The following OR13G1 variants were observed in gnomAD, a reference collection of about 807,000 sequenced individuals.
OR13G1 encodes the protein olfactory receptor family 13 subfamily G member 1.
For missense variants in OR13G1, 369 were observed against 385.7 expected (o/e 0.96, Z 0.36); for synonymous variants, 128 against 136.2 (o/e 0.94, Z 0.42).
rs191263307 is a variant in OR13G1, at chr1:247,675,706, G to C, written c.-238-2427C>G. Among the ~76,000 whole-genome samples, 372 of 152,220 alleles carry C rather than the reference G, an allele frequency of 2.4e-3. 11 individuals are homozygous for C. Among genetic ancestry groups the C allele is most frequent in the Admixed American group, 0.02 (312 of 15,288 alleles). ...TTCAGGATGTCCATCATTGGCTTAA[G>C]GTGGAGATATGTACTATTTTCTATC... is the stretch of plus-strand genomic sequence containing the variant. On this transcript the variant is annotated intron_variant, in intron 1 of 1. Transcript: ENST00000642119.
chr1:247,674,576 TTTACTC>T (rs901864974), intron 1 of OR13G1, among the ~76,000 whole-genome samples: 5 of 152,162 alleles, frequency 3.3e-5, no homozygotes, highest in African/African-American at 1.2e-4. Flanking sequence ...TTAGTATTAA[TTTACTC>T]ATACTGAAGG....
intron 1 of OR13G1, among the ~76,000 whole-genome samples, chr1:247,677,265 G>T (rs898600596): frequency 6.6e-6 from 1 of 152,108 alleles, no homozygotes; most frequent in African/African-American, 2.4e-5. Context: ...ATAAAAATAA[G>T]AAAAGATAGG....
At chr1:247,673,583 C>T (rs1375035221) in intron 1 of OR13G1, among the ~76,000 whole-genome samples, 1 of 151,920 alleles carries the variant, frequency 6.6e-6, no homozygotes, top group African/African-American at 2.4e-5. Flanking sequence ...TGAAAAATGC[C>T]CAACCTAGTA....
intron 1 of OR13G1, among the ~76,000 whole-genome samples, chr1:247,674,888 C>A (rs1659312604): frequency 6.6e-6 from 1 of 151,930 alleles, no homozygotes; most frequent in African/African-American, 2.4e-5. Flanking sequence ...TACACAAAAA[C>A]TAAGAAATAT....
chr1:247,672,680 A>C lies in OR13G1; in HGVS notation c.362T>G (p.Val121Gly). The change falls in exon 2 of 2, where the codon GTG becomes GGG. Residue 121 changes from valine (V) to glycine (G), a missense_variant. By Grantham distance (109) the Val-to-Gly change is moderately radical (BLOSUM62 -3). Transcript: ENST00000642119. ...LFTTMAYDRY[V>G]AICFPLHYST... ...GTAATGAAGAGGGAAACAAATGGCC[A>C]CATAGCGGTCATAGGCCATGGTGGT... is the stretch of plus-strand genomic sequence containing the variant. 2 of 1,614,046 alleles carry C rather than the reference A, an allele frequency of 1.2e-6. No homozygotes were observed. The highest frequency in any genetic ancestry group is 4.5e-5 in the East Asian group (2 of 44,874).
chr1:247,679,053 T>C (rs1197815117), intron 1 of OR13G1, among the ~76,000 whole-genome samples: 1 of 152,004 alleles, frequency 6.6e-6, no homozygotes, highest in East Asian at 1.9e-4. Flanking sequence ...ACTCTGAACA[T>C]GCCACTCACC....
In OR13G1 at chr1:247,670,946, G is replaced by T. The variant is rs1396531684; in HGVS notation, c.*1172C>A. 2 of 151,990 alleles carry T rather than the reference G, an allele frequency of 1.3e-5. No homozygotes were observed. The highest frequency in any genetic ancestry group is 4.8e-5 in the African/African-American group (2 of 41,418). 9.4% of individuals were successfully genotyped at this position (151,990 alleles called of 1,614,324 possible). A position where few individuals can be genotyped will look rare whatever the true frequency, so the allele number is the denominator to read the frequency against. On this transcript the variant is annotated 3_prime_UTR_variant, in exon 2 of 2. Transcript: ENST00000642119. ...CTTCCAACTTGTTATAAGATGTGTT[G>T]TATATTGTATATTTTTATTATGTAG...
intron 1 of OR13G1, among the ~76,000 whole-genome samples, chr1:247,677,618 CTT>C (rs1659371684): frequency 6.6e-6 from 1 of 152,142 alleles, no homozygotes; most frequent in Admixed American, 6.5e-5. Context: ...ACAGAAAAAA[CTT>C]AGACCATTTT....
chr1:247,674,277 T>A (rs1187852482), intron 1 of OR13G1, among the ~76,000 whole-genome samples: 7 of 152,234 alleles, frequency 4.6e-5, no homozygotes, highest in Non-Finnish European at 8.8e-5. Flanking sequence ...ATGAATCTAG[T>A]GAAAGTATTC....
Position 247,672,442 on chromosome 1 carries a change from A to G in OR13G1, c.600T>C (p.Asp200=). The G allele has an allele frequency of 6.2e-7, 1 of 1,614,138 alleles. No individual in the cohort carries two copies. Among genetic ancestry groups the G allele is most frequent in the Non-Finnish European group, 8.5e-7 (1 of 1,180,006 alleles). The change falls in exon 2 of 2, where the codon GAT becomes GAC. Residue 200 remains aspartate, a synonymous_variant. Transcript: ENST00000642119. ...TAAAGTCCCCTATGGCCAGGGTAAT[A>G]TCAGCAACATACACCATCACCTCAT... ...RINEVMVYVA[D]ITLAIGDFIL...
Position 247,672,711 on chromosome 1 carries a change from G to C in OR13G1, c.331C>G (p.Leu111Val). The C allele has an allele frequency of 6.2e-7, 1 of 1,613,950 alleles. No homozygotes were observed. Among genetic ancestry groups the C allele is most frequent in the Admixed American group, 1.7e-5 (1 of 59,950 alleles). ...FTWSLGAEMV[L>V]FTTMAYDRYV... ...CGGTCATAGGCCATGGTGGTGAAGA[G>C]AACCATCTCAGCTCCCAGAGACCAT... The change falls in exon 2 of 2, where the codon CTC (leucine) becomes GTC (valine). Residue 111 changes from leucine to valine, a missense_variant. Physicochemically the swap from Leu to Val is conservative, Grantham distance 32. Coordinates refer to ENST00000642119, the MANE Select transcript of OR13G1 (RefSeq NM_001005487.2).
chr1:247,672,913 G>C lies in OR13G1; in HGVS notation c.129C>G (p.Ile43Met). The C allele has an allele frequency of 6.2e-7, 1 of 1,614,048 alleles. No individual in the cohort carries two copies. Among genetic ancestry groups the C allele is most frequent in the Non-Finnish European group, 8.5e-7 (1 of 1,179,962 alleles). ...LVAFLGNMLI[I>M]IAKIYNNTLH... ...AGGTGTTGTTATAGATTTTGGCAAT[G>C]ATGATGAGCATGTTGCCGAGAAAAG... is the stretch of plus-strand genomic sequence containing the variant. The change falls in exon 2 of 2, where the codon ATC (isoleucine) becomes ATG (methionine). Residue 43 changes from isoleucine (I) to methionine (M), a missense_variant. Coordinates refer to ENST00000642119, the MANE Select transcript of OR13G1 (RefSeq NM_001005487.2).
At chr1:247,674,729 A>C (rs1447541931) in intron 1 of OR13G1, among the ~76,000 whole-genome samples, 1 of 151,060 alleles carries the variant, frequency 6.6e-6, no homozygotes, top group African/African-American at 2.4e-5. Context: ...TTGATAAGCA[A>C]ACAATGCATG....
chr1:247,675,229 T>A (rs929263029), intron 1 of OR13G1, among the ~76,000 whole-genome samples: 1 of 151,794 alleles, frequency 6.6e-6, no homozygotes, highest in African/African-American at 2.4e-5. Flanking sequence ...TGAGCTTTCA[T>A]TGTTGAAGAA....
Position 247,672,093 on chromosome 1 carries a change from G to T in OR13G1, c.*25C>A. On this transcript the variant is annotated 3_prime_UTR_variant, in exon 2 of 2. Coordinates refer to ENST00000642119, the MANE Select transcript of OR13G1 (RefSeq NM_001005487.2). Reference sequence around the variant, plus strand: ...CTCTAGAAGATGGTTCTGGAGTACAGAAGTGATGTTGCATGTTGAAACTAC... The same window carrying T: ...CTCTAGAAGATGGTTCTGGAGTACATAAGTGATGTTGCATGTTGAAACTAC... 1.9e-6 allele frequency: 3 copies of T among 1,577,654 alleles called. No homozygotes were observed. The highest frequency in any genetic ancestry group is 2.6e-6 in the Non-Finnish European group (3 of 1,154,346).
rs1255361550 is a variant in OR13G1, at chr1:247,673,072, C to T, written c.-31G>A. The stretch of plus-strand genomic sequence containing the variant: ...TTGGGTGATTGAATGGCAGTAATTG[C>T]ACAGAATAAACAACTGAAAATGGAA... On this transcript the variant is annotated 5_prime_UTR_variant, in exon 2 of 2. Coordinates refer to ENST00000642119, the MANE Select transcript of OR13G1 (RefSeq NM_001005487.2). The T allele has an allele frequency of 1.3e-6, 2 of 1,507,686 alleles. No homozygotes were observed. Among genetic ancestry groups the T allele is most frequent in the Non-Finnish European group, 1.8e-6 (2 of 1,099,374 alleles). 93.4% of individuals were successfully genotyped at this position (1,507,686 alleles called of 1,614,324 possible).
At chr1:247,678,881 G>C (rs1225847676) in intron 1 of OR13G1, among the ~76,000 whole-genome samples, 1 of 152,162 alleles carries the variant, frequency 6.6e-6, no homozygotes, top group Non-Finnish European at 1.5e-5. Context: ...TAGGAGACCT[G>C]TCAGTCTCAG....
rs150242376 is a variant in OR13G1 at position 247,672,583 on chromosome 1, G to C, written c.459C>G (p.Ser153=). ...TCATGATAAGAGCTGTGTGCACCCAGGAATTGGTGACTGCAATAGCCATGA... is the reference window on the plus strand; with the variant it reads ...TCATGATAAGAGCTGTGTGCACCCACGAATTGGTGACTGCAATAGCCATGA... The part of the protein sequence containing the change: ...SMVMAIAVTN[S]WVHTALIMRL... The change falls in exon 2 of 2, where the codon TCC becomes TCG. Residue 153 remains serine, a synonymous_variant. Coordinates refer to ENST00000642119, the MANE Select transcript of OR13G1 (RefSeq NM_001005487.2). The C allele has an allele frequency of 4.9e-3, 7,936 of 1,614,038 alleles. 27 individuals carry two copies. Among genetic ancestry groups the C allele is most frequent in the Non-Finnish European group, 5.6e-3 (6,609 of 1,179,960 alleles).
chr1:247,672,227 G>T lies in OR13G1; in HGVS notation c.815C>A (p.Ala272Asp). The change falls in exon 2 of 2, where the codon GCT becomes GAT. Residue 272 changes from alanine to aspartate, a missense_variant. Physicochemically the swap from Ala to Asp is moderately radical, Grantham distance 126. Coordinates refer to ENST00000642119, the MANE Select transcript of OR13G1 (RefSeq NM_001005487.2). The part of the protein sequence containing the change: ...SYTFERDKVV[A>D]ALYTLVTPTL... ...GGGAGTCACAAGAGTATAGAGTGCA[G>T]CTACCACCTTGTCTCTTTCAAATGT... is the stretch of plus-strand genomic sequence containing the variant. 2 of 1,614,068 alleles carry T rather than the reference G, an allele frequency of 1.2e-6. No individual in the cohort carries two copies. Among genetic ancestry groups the T allele is most frequent in the South Asian group, 1.1e-5 (1 of 91,074 alleles).
Sources: gnomAD v4.1 joint callset for allele counts (sites outside exome capture counted in the v4.1 genomes callset) on GRCh38, gnomAD v4.1.1 for gene constraint, MANE v1.5 for transcripts, NCBI Gene and HGNC (gene_info 2026-07-23, HGNC 2026-07-21) for gene names.